The following SAG variants were observed in gnomAD, a reference collection of about 807,000 sequenced individuals.
SAG encodes S-antigen visual arrestin.
In SAG, 45 loss-of-function variants were observed where a neutral mutation model predicts 55.0. The observed-to-expected ratio is 0.82, with a 90% CI of 0.64 to 1.05. SAG has a LOEUF of 1.05. SAG is among the 50% of genes least tolerant of loss of function. The pLI is 0.00. For missense variants in SAG, 455 were observed against 512.1 expected (o/e 0.89, Z 1.08); for synonymous variants, 189 against 197.4 (o/e 0.96, Z 0.36).
At chr2:233,311,996 C>T (rs1168298815) in intron 2 of SAG, among the ~76,000 whole-genome samples, 2 of 152,060 alleles carry the variant, frequency 1.3e-5, no homozygotes, top group Non-Finnish European at 2.9e-5. Context: ...CGTGGTGGTG[C>T]ATGCCTGTAA....
intron 9 of SAG, 98 bp from the exon 10 acceptor site, chr2:233,331,542 A>C: frequency 1.3e-6 from 1 of 778,468 alleles, no homozygotes; most frequent in Non-Finnish European, 2.3e-6. Flanking sequence ...AACCATCATC[A>C]GAGAGGAGAG....
intron 5 of SAG, among the ~76,000 whole-genome samples, chr2:233,322,616 C>G (rs1227336459): frequency 6.6e-6 from 1 of 152,192 alleles, no homozygotes; most frequent in Non-Finnish European, 1.5e-5. Context: ...GCCTGGGCAA[C>G]ATGGTGAAAC....
chr2:233,316,557 C>T (rs186263322), intron 3 of SAG, among the ~76,000 whole-genome samples: 1,640 of 152,130 alleles, frequency 0.011, 48 homozygotes, highest in African/African-American at 0.038. Context: ...GTGATCCGCC[C>T]GCCTCGGCCT....
intron 3 of SAG, among the ~76,000 whole-genome samples, chr2:233,317,264 T>C (rs1349731060): frequency 6.6e-6 from 1 of 152,232 alleles, no homozygotes; most frequent in Non-Finnish European, 1.5e-5. Flanking sequence ...CACAAAAACC[T>C]ATACATGATT....
At chr2:233,308,762 G>C (rs144764884) in intron 1 of SAG, among the ~76,000 whole-genome samples, 2 of 152,190 alleles carry the variant, frequency 1.3e-5, no homozygotes, top group Non-Finnish European at 2.9e-5. Flanking sequence ...TTGCGAAGTG[G>C]TTATGTTGTG....
In SAG at chr2:233,319,817, G is replaced by C; in HGVS notation, c.182-813G>C. ...TTAGTCCTGAGCTTGAATGAGGGGCGAGTGAGTGGCCACTGTTTCTTCTGA... is the reference window on the plus strand; with the variant it reads ...TTAGTCCTGAGCTTGAATGAGGGGCCAGTGAGTGGCCACTGTTTCTTCTGA... On this transcript the variant is annotated intron_variant, in intron 4 of 15. Coordinates refer to ENST00000409110, the MANE Select transcript of SAG (RefSeq NM_000541.5). The surrounding 1 kb of genome is among the most constrained non-coding windows in gnomAD (Gnocchi z 4.4). 1.0e-6 allele frequency: 1 copy of C among 985,788 alleles called. No homozygotes were observed. Among genetic ancestry groups the C allele is most frequent in the Non-Finnish European group, 1.2e-6 (1 of 829,964 alleles). 61.1% of individuals were successfully genotyped at this position (985,788 alleles called of 1,614,324 possible).
intron 11 of SAG, 156 bp from the exon 12 acceptor site, chr2:233,338,520 A>G (rs1410752982): frequency 4.5e-6 from 3 of 663,622 alleles, no homozygotes; most frequent in Non-Finnish European, 8.2e-6. Flanking sequence ...CCACTCCCCA[A>G]GTACATGAAC....
intron 3 of SAG, among the ~76,000 whole-genome samples, chr2:233,318,079 T>C (rs928880588): frequency 2.6e-5 from 4 of 151,940 alleles, no homozygotes; most frequent in Admixed American, 6.6e-5. Flanking sequence ...GTTTAGGAAT[T>C]CCCCCTACCT....
rs1027076384 is a variant in SAG at position 233,327,330 on chromosome 2, G to A, written c.512+133G>A. The A allele has an allele frequency of 4.2e-5, 28 of 670,396 alleles. No homozygotes were observed. The African/African-American group carries it at 4.9e-4, about 12-fold the overall frequency. The allele number at this position is 670,396 out of a possible 1,614,324, so 41.5% of individuals were successfully genotyped here. ...CGGCTGGGGTACCATCTGCATGTGG[G>A]ATGGAGGTCAAAGGTTGATCATTTT... On this transcript the variant is annotated intron_variant, in intron 7 of 15. Coordinates refer to ENST00000409110, the MANE Select transcript of SAG (RefSeq NM_000541.5).
intron 11 of SAG, among the ~76,000 whole-genome samples, chr2:233,335,786 C>T (rs145526789): frequency 3.1e-4 from 47 of 152,372 alleles, no homozygotes; most frequent in African/African-American, 9.1e-4. Flanking sequence ...TCCTTCCAAG[C>T]CACGCTTTTG....
rs757487948 is a variant in SAG at position 233,320,805 on chromosome 2, G to A, written c.357G>A (p.Thr119=). ...ESLLKKLGSN[T]YPFLLTFPDY... is the part of the protein sequence containing the mutation. ...TGCTTAAAAAGCTGGGGAGCAACAC[G>A]TACCCCTTTCTCCTGACGGTGGGTG... is the stretch of plus-strand genomic sequence containing the variant. Residue 119 remains threonine (T), a synonymous_variant, in exon 5 of 16, where the codon ACG becomes ACA. Transcript: ENST00000409110. 53 of 1,597,138 alleles carry A rather than the reference G, an allele frequency of 3.3e-5. No individual in the cohort carries two copies. The highest frequency in any genetic ancestry group is 3.3e-4 in the Middle Eastern group (2 of 6,064).
chr2:233,328,926 C>T (rs985666173), intron 8 of SAG: 26 of 329,896 alleles, frequency 7.9e-5, no homozygotes, highest in African/African-American at 5.1e-4. Context: ...CCTCCATGGG[C>T]CTTGTTCACT....
At chr2:233,334,372 C>G (rs554927690) in intron 10 of SAG, 1 of 152,414 alleles carries the variant, frequency 6.6e-6, no homozygotes, top group South Asian at 2.1e-4. Context: ...GGCACAGGGT[C>G]TCCGCCATCT....
chr2:233,321,307 C>T (rs565056482), intron 5 of SAG, among the ~76,000 whole-genome samples: 166 of 152,286 alleles, frequency 1.1e-3, no homozygotes, highest in Admixed American at 2.7e-3. Context: ...ACGGTGCCAG[C>T]GTGCAAACTC....
intron 6 of SAG, among the ~76,000 whole-genome samples, chr2:233,326,439 G>A (rs936595452): frequency 6.6e-6 from 1 of 152,054 alleles, no homozygotes; most frequent in Non-Finnish European, 1.5e-5. Flanking sequence ...ACAAAAATCA[G>A]CCGGGCATGG....
intron 12 of SAG, among the ~76,000 whole-genome samples, chr2:233,339,741 G>A (rs1701043551): frequency 6.6e-6 from 1 of 151,556 alleles, no homozygotes. Flanking sequence ...TCGGCTCACT[G>A]TAACCTCCAC....
At chr2:233,321,061 G>A (rs980962087) in intron 5 of SAG, among the ~76,000 whole-genome samples, 25 of 152,132 alleles carry the variant, frequency 1.6e-4, no homozygotes, top group Admixed American at 9.8e-4. Flanking sequence ...CCCTTGACCC[G>A]ACCCCCTAAT....
intron 13 of SAG, among the ~76,000 whole-genome samples, chr2:233,341,643 C>T (rs551646447): frequency 6.6e-6 from 1 of 152,058 alleles, no homozygotes; most frequent in Non-Finnish European, 1.5e-5. Context: ...CCAGAACAGG[C>T]AAATCTATAG....
intron 2 of SAG, 107 bp downstream of exon 2, chr2:233,309,371 C>T: frequency 9.7e-7 from 1 of 1,031,206 alleles, no homozygotes; most frequent in Non-Finnish European, 1.5e-6. Flanking sequence ...CTTTGAGGGC[C>T]AGGGCGCGGT....
Sources: gnomAD v4.1 joint callset for allele counts (sites outside exome capture counted in the v4.1 genomes callset) on GRCh38, gnomAD v4.1.1 for gene constraint, Gnocchi (gnomAD v3.1) non-coding constraint, MANE v1.5 for transcripts, NCBI Gene and HGNC (gene_info 2026-07-23, HGNC 2026-07-21) for gene names.